The following ITPR2 variants were observed in gnomAD, a reference collection of about 807,000 sequenced individuals.
ITPR2 encodes the protein inositol 1,4,5-trisphosphate receptor type 2, also known as inositol 1,4,5-trisphosphate-gated calcium channel ITPR2.
A neutral mutation model predicts 317.1 loss-of-function variants in ITPR2; 207 were observed. That is an observed-to-expected ratio of 0.65 (90% confidence interval 0.58 to 0.73). ITPR2 has a LOEUF of 0.73. ITPR2 is among the 30% of genes least tolerant of loss of function. The pLI is 0.00. For missense variants in ITPR2, 2,613 were observed against 3,284.0 expected (o/e 0.80, Z 4.99); for synonymous variants, 1,156 against 1,149.1 (o/e 1.01, Z -0.12).
chr12:26,369,869 C>T (rs961588617), intron 55 of ITPR2, among the ~76,000 whole-genome samples: 6 of 152,240 alleles, frequency 3.9e-5, no homozygotes, highest in South Asian at 2.1e-4. Flanking sequence ...CTCAATTATA[C>T]GGCAGATGAT....
At chr12:26,731,213 A>G (rs1446715647) in intron 2 of ITPR2, among the ~76,000 whole-genome samples, 1 of 152,256 alleles carries the variant, frequency 6.6e-6, no homozygotes, top group African/African-American at 2.4e-5. Flanking sequence ...CAGGCATTCA[A>G]CAAATGGCTC....
chr12:26,379,799 A>AG (rs1939450969), intron 55 of ITPR2, among the ~76,000 whole-genome samples: 1 of 152,354 alleles, frequency 6.6e-6, no homozygotes. Context: ...TGAAGTACAG[A>AG]GGAGATAAGT....
At chr12:26,509,618 T>C (rs1039047584) in intron 37 of ITPR2, among the ~76,000 whole-genome samples, 4 of 152,198 alleles carry the variant, frequency 2.6e-5, no homozygotes, top group South Asian at 4.1e-4. Flanking sequence ...TTACATCTGT[T>C]AGTAAAATGT....
chr12:26,548,666 C>T lies in ITPR2; in HGVS notation c.5073+1581G>A, dbSNP rs994706138. Among the ~76,000 whole-genome samples the T allele has an allele frequency of 2.6e-5, 4 of 152,234 alleles. No individual in the cohort carries two copies. In the East Asian group the frequency reaches 5.8e-4, roughly 22 times the overall value. Reference sequence around the variant, plus strand: ...TGTGAGGGCTATGTGCTGGGGGTGTCCTTTACATCACATCTTGCATAAATG... The same window carrying T: ...TGTGAGGGCTATGTGCTGGGGGTGTTCTTTACATCACATCTTGCATAAATG... On this transcript the variant is annotated intron_variant, in intron 37 of 56. Transcript: ENST00000381340.
chr12:26,696,744 C>T (rs1003897989), intron 9 of ITPR2, among the ~76,000 whole-genome samples: 3 of 152,054 alleles, frequency 2.0e-5, no homozygotes, highest in Non-Finnish European at 4.4e-5. Context: ...CTAGTGGCCA[C>T]GTAAACAAAG....
intron 37 of ITPR2, among the ~76,000 whole-genome samples, chr12:26,545,653 C>A (rs566978096): frequency 1.8e-4 from 27 of 152,322 alleles, no homozygotes; most frequent in African/African-American, 6.0e-4. Context: ...CATGGAAACA[C>A]AGCCACCCCT....
chr12:26,484,271 G>C (rs1224396494), intron 41 of ITPR2, among the ~76,000 whole-genome samples: 2 of 143,430 alleles, frequency 1.4e-5, no homozygotes, highest in African/African-American at 5.0e-5. Flanking sequence ...GTCGGAAAAA[G>C]AGAAAAAAAA....
intron 26 of ITPR2, among the ~76,000 whole-genome samples, chr12:26,608,912 G>A (rs992553100): frequency 6.6e-6 from 1 of 152,156 alleles, no homozygotes; most frequent in African/African-American, 2.4e-5. Flanking sequence ...AGAAAGCATG[G>A]GGAACCTTTT....
chr12:26,793,892 A>G (rs1950384915), intron 1 of ITPR2, among the ~76,000 whole-genome samples: 1 of 152,204 alleles, frequency 6.6e-6, no homozygotes, highest in South Asian at 2.1e-4. Context: ...CTAAAAAACA[A>G]TATCTCAGGT....
chr12:26,634,288 A>G (rs1946816858), intron 21 of ITPR2, among the ~76,000 whole-genome samples: 1 of 152,262 alleles, frequency 6.6e-6, no homozygotes, highest in African/African-American at 2.4e-5. Flanking sequence ...AAAGCTTCTA[A>G]TATCCATTCC....
At chr12:26,360,611 A>C (rs1938795586) in intron 55 of ITPR2, among the ~76,000 whole-genome samples, 1 of 152,194 alleles carries the variant, frequency 6.6e-6, no homozygotes, top group Non-Finnish European at 1.5e-5. Context: ...GCCCTAACAA[A>C]CAGAATTTAT....
chr12:26,561,942 A>G lies in ITPR2; in HGVS notation c.4641T>C (p.Arg1547=). Residue 1547 remains arginine, a synonymous_variant, in exon 35 of 57, where the codon CGT becomes CGC. Coordinates refer to ENST00000381340, the MANE Select transcript of ITPR2 (RefSeq NM_002223.4). Reference sequence around the variant, plus strand: ...CCAAATCCACTGGAATGGCAATTCCACGATTTTTTGCTGAAAAAGAAAGAT... The same window carrying G: ...CCAAATCCACTGGAATGGCAATTCCGCGATTTTTTGCTGAAAAAGAAAGAT... ...IRTLAEVAKN[R]GIAIPVDLDS... 6.6e-7 allele frequency: 1 copy of G among 1,512,978 alleles called. No homozygotes were observed. The highest frequency in any genetic ancestry group is 1.4e-5 in the South Asian group (1 of 73,754). 93.7% of individuals were successfully genotyped at this position (1,512,978 alleles called of 1,614,324 possible).
chr12:26,458,181 G>A (rs1358415689), intron 45 of ITPR2, among the ~76,000 whole-genome samples: 1 of 152,146 alleles, frequency 6.6e-6, no homozygotes, highest in Non-Finnish European at 1.5e-5. Flanking sequence ...AGCTGTCCAG[G>A]CACAAAATGA....
intron 2 of ITPR2, among the ~76,000 whole-genome samples, chr12:26,750,578 A>C (rs1038743406): frequency 2.6e-5 from 4 of 152,228 alleles, no homozygotes; most frequent in Non-Finnish European, 4.4e-5. Flanking sequence ...AAAAGGTAAA[A>C]GAACCACCAT....
intron 43 of ITPR2, among the ~76,000 whole-genome samples, chr12:26,480,250 T>G (rs919808782): frequency 2.6e-5 from 4 of 152,242 alleles, no homozygotes; most frequent in Non-Finnish European, 5.9e-5. Flanking sequence ...TAATTTAGTG[T>G]GTATATTAAT....
At chr12:26,491,684 G>A (rs1328827971) in intron 39 of ITPR2, among the ~76,000 whole-genome samples, 1 of 151,834 alleles carries the variant, frequency 6.6e-6, no homozygotes, top group African/African-American at 2.4e-5. Flanking sequence ...TATTAAGGGG[G>A]CAGAATCACA....
intron 2 of ITPR2, among the ~76,000 whole-genome samples, chr12:26,782,556 G>C (rs761324851): frequency 1.6e-4 from 24 of 152,180 alleles, no homozygotes; most frequent in Non-Finnish European, 2.8e-4. Context: ...TCAATAGATA[G>C]TATGGCACAG....
intron 19 of ITPR2, 53 bp downstream of exon 19, chr12:26,656,239 TTTGAC>T: frequency 5.0e-6 from 8 of 1,590,404 alleles, no homozygotes; most frequent in Non-Finnish European, 6.9e-6. Context: ...ACTGTAGACA[TTTGAC>T]GTGGAGTTCA....
chr12:26,661,273 T>TGGG (rs1565673570), intron 15 of ITPR2, among the ~76,000 whole-genome samples: 1 of 14,294 alleles, frequency 7.0e-5, no homozygotes, highest in African/African-American at 1.7e-4. Context: ...GGGGTGTGTG[T>TGGG]GTGGGGGGGG....
Sources: allele counts gnomAD v4.1 joint callset (sites outside exome capture counted in the v4.1 genomes callset), GRCh38; gene constraint gnomAD v4.1.1; transcripts MANE v1.5; gene names NCBI Gene and HGNC (gene_info 2026-07-23, HGNC 2026-07-21).